Variants in GRM8 observed in about 807,000 individuals in gnomAD.
The protein encoded by GRM8 is metabotropic glutamate receptor 8.
Under a neutral mutation model 87.2 loss-of-function variants are expected in GRM8, and 47 were observed. The ratio of observed to expected loss-of-function variants is 0.54; its 90% CI spans 0.43 to 0.69. The LOEUF (loss-of-function observed/expected upper bound fraction) is 0.69, where lower values mean the gene tolerates loss of function less well. Among genes scored for constraint, GRM8 ranks in the 30% least tolerant of loss-of-function variants. The pLI, the probability that GRM8 is intolerant of heterozygous loss-of-function variation, is 0.00. For synonymous variants in GRM8, 396 were observed against 404.5 expected (o/e 0.98, Z 0.25); for missense variants, 1,019 against 1,139.2 (o/e 0.89, Z 1.52).
intron 8 of GRM8, among the ~76,000 whole-genome samples, chr7:126,585,132 T>C (rs1390944233): frequency 1.3e-5 from 2 of 152,098 alleles, no homozygotes; most frequent in Admixed American, 6.6e-5. Flanking sequence ...CTTTTAACTA[T>C]AAAAATAAAT....
rs549546998 is a variant in GRM8 at position 126,497,484 on chromosome 7, C to T, written c.2430+35468G>A. Reference sequence around the variant, plus strand: ...TAATTTCTAAAGAGGGATTCACTGGCTATTCTTGTCAAATGACTGGCTGTG... The same window carrying T: ...TAATTTCTAAAGAGGGATTCACTGGTTATTCTTGTCAAATGACTGGCTGTG... On this transcript the variant is annotated intron_variant, in intron 9 of 10. Coordinates refer to ENST00000339582, the MANE Select transcript of GRM8 (RefSeq NM_000845.3). Among the ~76,000 whole-genome samples, 2 of 152,004 alleles carry T rather than the reference C, an allele frequency of 1.3e-5. 1 individual carries two copies. The highest frequency in any genetic ancestry group is 4.2e-4 in the South Asian group (2 of 4,814).
At chr7:127,160,529 G>A (rs886784481) in intron 2 of GRM8, among the ~76,000 whole-genome samples, 3 of 149,026 alleles carry the variant, frequency 2.0e-5, no homozygotes, top group Admixed American at 2.0e-4. Flanking sequence ...GCTCCATCAC[G>A]CGCGCGCACA....
chr7:126,534,913 C>T (rs1258993706), intron 8 of GRM8, among the ~76,000 whole-genome samples: 2 of 151,962 alleles, frequency 1.3e-5, no homozygotes, highest in African/African-American at 2.4e-5. Context: ...AATTTGCCCT[C>T]GATACATATT....
intron 9 of GRM8, 139 bp from the exon 10 acceptor site, chr7:126,446,511 A>G: frequency 3.3e-6 from 2 of 612,372 alleles, no homozygotes; most frequent in Admixed American, 5.9e-5. Flanking sequence ...ATTGTCCTTA[A>G]TTATAGTCAA....
intron 6 of GRM8, among the ~76,000 whole-genome samples, chr7:126,844,482 T>C (rs184897341): frequency 6.6e-5 from 10 of 152,328 alleles, no homozygotes; most frequent in African/African-American, 2.4e-4. Context: ...ATGTACATGA[T>C]CTCTTTTAGT....
At chr7:127,238,182 C>T (rs964066668) in intron 2 of GRM8, among the ~76,000 whole-genome samples, 3 of 152,052 alleles carry the variant, frequency 2.0e-5, no homozygotes, top group East Asian at 1.9e-4. Context: ...GCTATTCTAC[C>T]GTTACATGTC....
intron 2 of GRM8, among the ~76,000 whole-genome samples, chr7:127,124,844 A>G (rs923549053): frequency 1.3e-5 from 2 of 152,168 alleles, no homozygotes; most frequent in African/African-American, 4.8e-5. Flanking sequence ...TAAATAAACA[A>G]TGACAAGGAA....
chr7:127,175,076 A>T (rs1202352551), intron 2 of GRM8, among the ~76,000 whole-genome samples: 1 of 152,066 alleles, frequency 6.6e-6, no homozygotes, highest in Non-Finnish European at 1.5e-5. Flanking sequence ...GTTTTCCTTG[A>T]CTCCATCACT....
At chr7:127,025,011 A>G (rs1250974639) in intron 3 of GRM8, among the ~76,000 whole-genome samples, 2 of 152,086 alleles carry the variant, frequency 1.3e-5, no homozygotes, top group Non-Finnish European at 2.9e-5. Flanking sequence ...GGACATAAAC[A>G]TAAGGCCATT....
intron 7 of GRM8, among the ~76,000 whole-genome samples, chr7:126,626,030 T>C (rs1374557196): frequency 6.6e-6 from 1 of 152,072 alleles, no homozygotes; most frequent in Non-Finnish European, 1.5e-5. Context: ...TATATATGAC[T>C]TCCATTATAA....
At chr7:126,813,967 C>T (rs1321110737) in intron 6 of GRM8, among the ~76,000 whole-genome samples, 1 of 152,058 alleles carries the variant, frequency 6.6e-6, no homozygotes, top group Non-Finnish European at 1.5e-5. Flanking sequence ...GAACCACTAG[C>T]ATCATTAAAA....
At chr7:127,158,455 C>T (rs1026763197) in intron 2 of GRM8, among the ~76,000 whole-genome samples, 2 of 152,136 alleles carry the variant, frequency 1.3e-5, no homozygotes, top group African/African-American at 2.4e-5. Context: ...TCATTACTGC[C>T]GCTATAATAA....
chr7:126,440,811 A>G (rs546851481), intron 10 of GRM8, among the ~76,000 whole-genome samples: 20 of 152,100 alleles, frequency 1.3e-4, no homozygotes, highest in Non-Finnish European at 2.6e-4. Context: ...TTCTTAGAAC[A>G]TGTCATCAAG....
chr7:126,503,687 A>C (rs908822535), intron 9 of GRM8, among the ~76,000 whole-genome samples: 17 of 152,060 alleles, frequency 1.1e-4, no homozygotes, highest in Non-Finnish European at 2.2e-4. Context: ...ATTCTTATAA[A>C]GTTAACATCC....
At chr7:126,589,236 T>A (rs1796446474) in intron 8 of GRM8, among the ~76,000 whole-genome samples, 1 of 152,096 alleles carries the variant, frequency 6.6e-6, no homozygotes. Context: ...GGCAAGTTCT[T>A]AGCCCTGCTT....
intron 3 of GRM8, among the ~76,000 whole-genome samples, chr7:126,914,757 G>A (rs1803708411): frequency 6.6e-6 from 1 of 152,074 alleles, no homozygotes; most frequent in Non-Finnish European, 1.5e-5. Flanking sequence ...AATAGACACT[G>A]GAAACTCCCC....
At chr7:126,944,209 T>C (rs1312428508) in intron 3 of GRM8, among the ~76,000 whole-genome samples, 1 of 152,156 alleles carries the variant, frequency 6.6e-6, no homozygotes, top group Admixed American at 6.5e-5. Flanking sequence ...GGATCAAACA[T>C]ATCCAAAATA....
At chr7:126,819,746 T>A (rs949662875) in intron 6 of GRM8, among the ~76,000 whole-genome samples, 2 of 152,148 alleles carry the variant, frequency 1.3e-5, no homozygotes, top group East Asian at 1.9e-4. Context: ...ATAGATTTTT[T>A]AAAAAAACTA....
chr7:126,445,925 T>C (rs912487051), intron 10 of GRM8: 1 of 612,946 alleles, frequency 1.6e-6, no homozygotes, highest in South Asian at 2.1e-5. Flanking sequence ...GTGAGCAAGT[T>C]TGTACTCTGT....
Sources: allele counts gnomAD v4.1 joint callset (sites outside exome capture counted in the v4.1 genomes callset), GRCh38; gene constraint gnomAD v4.1.1; transcripts MANE v1.5; gene names NCBI Gene and HGNC (gene_info 2026-07-23, HGNC 2026-07-21).